Variants in NTM observed in about 807,000 individuals in gnomAD.
NTM encodes neurotrimin, also known as IgLON family member 2.
In NTM, 13 loss-of-function variants were observed where a neutral mutation model predicts 42.1. The observed-to-expected ratio is 0.31, with a 90% CI of 0.20 to 0.49. NTM has a LOEUF of 0.49. Ranked by LOEUF, NTM falls within the 20% of genes least tolerant of loss-of-function variation. The pLI is 0.99. For missense variants in NTM, 373 were observed against 452.8 expected (o/e 0.82, Z 1.60); for synonymous variants, 187 against 179.2 (o/e 1.04, Z -0.35).
chr11:131,711,643 A>G, intron 1 of NTM, among the ~76,000 whole-genome samples: 1 of 152,190 alleles, frequency 6.6e-6, no homozygotes, highest in South Asian at 2.1e-4. Context: ...ATATACCCAA[A>G]GGACTATAAA....
intron 2 of NTM, among the ~76,000 whole-genome samples, chr11:132,063,341 C>T (rs2080972051): frequency 1.3e-5 from 2 of 152,294 alleles, no homozygotes; most frequent in Middle Eastern, 6.8e-3. Flanking sequence ...GATTAACGGA[C>T]AGCCATGGAG....
At chr11:131,668,383 AT>A in intron 1 of NTM, among the ~76,000 whole-genome samples, 1 of 151,224 alleles carries the variant, frequency 6.6e-6, no homozygotes, top group Non-Finnish European at 1.5e-5. Context: ...GTGAGTGGAG[AT>A]TTTAAAAAAA....
intron 1 of NTM, chr11:131,897,067 A>G (rs987627539): frequency 6.6e-6 from 1 of 152,202 alleles, no homozygotes; most frequent in African/African-American, 2.4e-5. Context: ...CTGAATAGCC[A>G]TGCGTTGCTG....
intron 2 of NTM, among the ~76,000 whole-genome samples, chr11:131,945,119 G>T (rs773684887): frequency 2.0e-5 from 3 of 152,152 alleles, no homozygotes; most frequent in Non-Finnish European, 2.9e-5. Context: ...TGCATTAAAG[G>T]TTTGCGGTAT....
At chr11:132,156,650 C>G (rs1458788882) in intron 3 of NTM, among the ~76,000 whole-genome samples, 1 of 151,942 alleles carries the variant, frequency 6.6e-6, no homozygotes, top group East Asian at 1.9e-4. Flanking sequence ...TGTAAAGTTT[C>G]TTTTTTATTG....
intron 1 of NTM, among the ~76,000 whole-genome samples, chr11:131,620,555 A>G (rs2062420464): frequency 6.6e-6 from 1 of 152,124 alleles, no homozygotes; most frequent in South Asian, 2.1e-4. Context: ...CCCCAGCTAC[A>G]TGGGCTTCTT....
intron 2 of NTM, among the ~76,000 whole-genome samples, chr11:132,142,941 G>A (rs1248350718): frequency 2.6e-5 from 4 of 152,176 alleles, no homozygotes; most frequent in African/African-American, 7.2e-5. Flanking sequence ...TCATCGGGAG[G>A]TTGTGAGATG....
chr11:132,123,928 G>T (rs561878186), intron 2 of NTM, among the ~76,000 whole-genome samples: 1 of 152,340 alleles, frequency 6.6e-6, no homozygotes, highest in South Asian at 2.1e-4. Flanking sequence ...CCTTGCCTTA[G>T]AGTGTCCGTC....
At chr11:131,423,568 T>G (rs1947752587) in intron 1 of NTM, among the ~76,000 whole-genome samples, 1 of 152,178 alleles carries the variant, frequency 6.6e-6, no homozygotes, top group Admixed American at 6.5e-5. Flanking sequence ...CTGAGCTTCT[T>G]CCTATTGGTA....
chr11:132,066,969 T>C (rs1339652360), intron 2 of NTM, among the ~76,000 whole-genome samples: 2 of 151,702 alleles, frequency 1.3e-5, no homozygotes, highest in African/African-American at 4.9e-5. Flanking sequence ...TTTTTTTTTC[T>C]TTTGAGACAG....
At chr11:131,404,862 G>A (rs894344214) in intron 1 of NTM, among the ~76,000 whole-genome samples, 5 of 152,010 alleles carry the variant, frequency 3.3e-5, no homozygotes, top group African/African-American at 1.2e-4. Flanking sequence ...ATGATTCTTT[G>A]AATCACACAG....
At chr11:132,202,711 T>C (rs1209273825) in intron 3 of NTM, among the ~76,000 whole-genome samples, 2 of 152,154 alleles carry the variant, frequency 1.3e-5, no homozygotes, top group Non-Finnish European at 2.9e-5. Context: ...TGGACTGCAC[T>C]CTCTTATGTC....
chr11:131,894,536 G>A (rs1019167268), intron 1 of NTM, among the ~76,000 whole-genome samples: 1 of 152,192 alleles, frequency 6.6e-6, no homozygotes, highest in Non-Finnish European at 1.5e-5. Flanking sequence ...CCCAGGCAAA[G>A]GGCCTAATGA....
At chr11:132,024,702 A>G (rs2074919132) in intron 2 of NTM, among the ~76,000 whole-genome samples, 1 of 152,190 alleles carries the variant, frequency 6.6e-6, no homozygotes, top group Admixed American at 6.5e-5. Flanking sequence ...TTACACTGGG[A>G]TAGGTATATT....
intron 1 of NTM, among the ~76,000 whole-genome samples, chr11:131,805,845 A>G (rs1007768256): frequency 6.6e-6 from 1 of 152,192 alleles, no homozygotes; most frequent in Non-Finnish European, 1.5e-5. Flanking sequence ...AATTTAACGG[A>G]GCAAACAGAT....
At chr11:131,745,517 A>G (rs1411019551) in intron 1 of NTM, among the ~76,000 whole-genome samples, 2 of 152,214 alleles carry the variant, frequency 1.3e-5, no homozygotes, top group African/African-American at 2.4e-5. Context: ...CGGCCCCATC[A>G]TTCCGCCCTC....
intron 1 of NTM, among the ~76,000 whole-genome samples, chr11:131,842,946 G>A (rs902580006): frequency 6.6e-6 from 1 of 151,934 alleles, no homozygotes; most frequent in Non-Finnish European, 1.5e-5. Context: ...AGGAAGCAGG[G>A]GTTACAGTGA....
intron 1 of NTM, among the ~76,000 whole-genome samples, chr11:131,648,898 A>T (rs1254482300): frequency 6.6e-6 from 1 of 152,224 alleles, no homozygotes; most frequent in Non-Finnish European, 1.5e-5. Context: ...TTGGTGGCAC[A>T]TCCAGAAAGA....
intron 2 of NTM, among the ~76,000 whole-genome samples, chr11:132,021,616 C>T (rs1030304372): frequency 1.1e-4 from 17 of 152,150 alleles, no homozygotes; most frequent in African/African-American, 4.1e-4. Flanking sequence ...TGAACAGTCA[C>T]TAATGTCTTA....
Sources: allele counts gnomAD v4.1 joint callset (sites outside exome capture counted in the v4.1 genomes callset), GRCh38; gene constraint gnomAD v4.1.1; transcripts MANE v1.5; gene names NCBI Gene and HGNC (gene_info 2026-07-23, HGNC 2026-07-21).